The following GRIP1 variants were observed in gnomAD, a reference collection of about 807,000 sequenced individuals.
GRIP1 encodes the protein glutamate receptor-interacting protein 1.
A neutral mutation model predicts 129.9 loss-of-function variants in GRIP1; 45 were observed. That is an observed-to-expected ratio of 0.35 (90% CI 0.27 to 0.44). The LOEUF (loss-of-function observed/expected upper bound fraction) is 0.44. GRIP1 is among the 20% of genes least tolerant of loss of function. The probability of loss-of-function intolerance (pLI) is 1.00; values close to 1 mark genes in which losing one functional copy is unlikely to be tolerated. For missense variants in GRIP1, 1,196 were observed against 1,396.8 expected, an observed-to-expected ratio of 0.86 and a Z score of 2.29; for synonymous variants, 530 against 520.8, an observed-to-expected ratio of 1.02 and a Z score of -0.24.
At chr12:67,029,413 C>A (rs1267008389) in intron 1 of GRIP1, among the ~76,000 whole-genome samples, 3 of 151,746 alleles carry the variant, frequency 2.0e-5, no homozygotes, top group African/African-American at 7.3e-5. Flanking sequence ...TGTGCCTGGC[C>A]AAAAAATTTT....
chr12:66,581,570 GA>G (rs2063381585), intron 2 of GRIP1, among the ~76,000 whole-genome samples: 1 of 149,056 alleles, frequency 6.7e-6, no homozygotes, highest in Non-Finnish European at 1.5e-5. Flanking sequence ...TGATAAAGGG[GA>G]TATCACCACT....
intron 4 of GRIP1, among the ~76,000 whole-genome samples, chr12:66,531,235 CAAA>C (rs1168836647): frequency 3.1e-3 from 51 of 16,416 alleles, no homozygotes; most frequent in South Asian, 5.0e-3. Context: ...GACTCTGTCT[CAAA>C]AAAAAAAAAA....
chr12:66,466,040 T>C (rs562249158), intron 7 of GRIP1, among the ~76,000 whole-genome samples: 2 of 152,318 alleles, frequency 1.3e-5, no homozygotes, highest in South Asian at 2.1e-4. Flanking sequence ...GTAGGAATGT[T>C]ACACTAAGTT....
At chr12:66,356,742 A>G (rs1467147074) in intron 23 of GRIP1, among the ~76,000 whole-genome samples, 1 of 152,166 alleles carries the variant, frequency 6.6e-6, no homozygotes, top group Non-Finnish European at 1.5e-5. Flanking sequence ...CCTCCAAAAA[A>G]TATGATCACT....
intron 15 of GRIP1, among the ~76,000 whole-genome samples, chr12:66,411,646 G>A (rs1175336473): frequency 6.6e-6 from 1 of 152,200 alleles, no homozygotes; most frequent in Non-Finnish European, 1.5e-5. Flanking sequence ...TGAATTGGCA[G>A]AAGTAGGCTT....
chr12:66,903,285 C>T (rs114947558), intron 1 of GRIP1, among the ~76,000 whole-genome samples: 2,055 of 148,064 alleles, frequency 0.014, 53 homozygotes, highest in African/African-American at 0.048. Context: ...AGAGTGTAAA[C>T]GTGCTGCAGT....
At chr12:66,701,099 C>CT (rs2035335052) in intron 1 of GRIP1, among the ~76,000 whole-genome samples, 2 of 152,250 alleles carry the variant, frequency 1.3e-5, no homozygotes, top group Admixed American at 1.3e-4. Flanking sequence ...TCTAGGTAGT[C>CT]TGACTCCAAA....
At chr12:66,612,924 T>G (rs988096117) in intron 1 of GRIP1, among the ~76,000 whole-genome samples, 59 of 152,160 alleles carry the variant, frequency 3.9e-4, no homozygotes, top group African/African-American at 1.4e-3. Context: ...CTTCATATGT[T>G]TCTATTCAAT....
rs563126418 is a variant in GRIP1 at position 67,001,728 on chromosome 12, C to T, written c.58+67322G>A. Among the ~76,000 whole-genome samples the T allele has an allele frequency of 4.6e-5, 7 of 152,188 alleles. No individual in the cohort carries two copies. The East Asian group carries it at 1.4e-3, about 29-fold the overall frequency. ...ATTCTCTCAAGACCCCCAAAGACCC[C>T]ACCACTCACTCTTGTCTCACCTGCA... On this transcript the variant is annotated intron_variant, in intron 1 of 1. Coordinates refer to the GRIP1 transcript ENST00000643019.
chr12:66,581,910 C>G (rs2063400579), intron 2 of GRIP1, among the ~76,000 whole-genome samples: 1 of 152,112 alleles, frequency 6.6e-6, no homozygotes, highest in African/African-American at 2.4e-5. Context: ...TTTTATGAGG[C>G]CAGCATCATC....
chr12:66,880,816 C>G (rs1017847940), intron 1 of GRIP1, among the ~76,000 whole-genome samples: 1 of 152,028 alleles, frequency 6.6e-6, no homozygotes, highest in East Asian at 1.9e-4. Context: ...ATAGGCAGAC[C>G]CTTAAAAATC....
At chr12:66,536,912 A>G (rs79434377) in intron 4 of GRIP1, among the ~76,000 whole-genome samples, 1,834 of 152,252 alleles carry the variant, frequency 0.012, 41 homozygotes, top group East Asian at 0.1. Context: ...GCAAAAAGCT[A>G]TCTCAGGGTA....
rs965662412 is a variant in GRIP1, at chr12:66,859,261, A to G, written c.58+209789T>C. On this transcript the variant is annotated intron_variant, in intron 1 of 1. Transcript: ENST00000643019. ...CTAGCATATTCTCCACATTTTCTGA[A>G]AAAAAACAAAAAAACAAAAAAACAA... is the stretch of plus-strand genomic sequence containing the variant. 4.8e-4 allele frequency among the ~76,000 whole-genome samples: 14 copies of G among 29,268 alleles called. 2 individuals are homozygous for G. In the East Asian group the frequency reaches 0.036, roughly 75 times the overall value. The allele number at this position is 29,268 out of a possible 152,430, so 19.2% of individuals were successfully genotyped here. A position where few individuals can be genotyped will look rare whatever the true frequency, so the allele number is the denominator to read the frequency against.
Position 66,349,252 on chromosome 12 carries a change from A to G in GRIP1, c.3160-6T>C. ...CTGGTTCGGACATGATTCACCTGAA[A>G]GGTCAAGAACAGCCATTTTGAATTA... On this transcript the variant is annotated splice_polypyrimidine_tract_variant and splice_region_variant and intron_variant, in intron 24 of 24. Transcript: ENST00000359742. 1 of 1,605,274 alleles carries G rather than the reference A, an allele frequency of 6.2e-7. No individual in the cohort carries two copies. The highest frequency in any genetic ancestry group is 8.5e-7 in the Non-Finnish European group (1 of 1,171,876).
rs1036528911 is a variant in GRIP1 at position 66,533,095 on chromosome 12, T to A, written c.419-3181A>T. Among the ~76,000 whole-genome samples, 3 of 152,316 alleles carry A rather than the reference T, an allele frequency of 2.0e-5. No homozygotes were observed. The East Asian group carries it at 5.8e-4, about 29-fold the overall frequency. ...TATTCATGCTTATGATAATTTTAGG[T>A]GTTAACTAAAAATGGATGAGAATTA... On this transcript the variant is annotated intron_variant, in intron 4 of 24. Coordinates refer to ENST00000359742, the MANE Select transcript of GRIP1 (RefSeq NM_001366722.1).
intron 2 of GRIP1, among the ~76,000 whole-genome samples, chr12:66,595,668 A>C (rs1025144645): frequency 6.6e-6 from 1 of 152,252 alleles, no homozygotes; most frequent in African/African-American, 2.4e-5. Context: ...ATAGGATAAA[A>C]TAGAAGACAT....
intron 15 of GRIP1, among the ~76,000 whole-genome samples, chr12:66,408,108 C>A (rs1461069408): frequency 2.0e-5 from 3 of 152,212 alleles, no homozygotes. Context: ...TGCAAGGGAA[C>A]CTGCTGCCTT....
intron 24 of GRIP1, among the ~76,000 whole-genome samples, chr12:66,349,685 C>T (rs1437533016): frequency 6.6e-6 from 1 of 152,164 alleles, no homozygotes; most frequent in Non-Finnish European, 1.5e-5. Context: ...AACTACCTCT[C>T]CCACAAGCGA....
At chr12:66,757,725 G>C (rs1022397690) in intron 1 of GRIP1, among the ~76,000 whole-genome samples, 1 of 152,112 alleles carries the variant, frequency 6.6e-6, no homozygotes, top group Admixed American at 6.5e-5. Flanking sequence ...GTGTACGAAG[G>C]TTCCCTTTTC....
Sources: allele counts gnomAD v4.1 joint callset (sites outside exome capture counted in the v4.1 genomes callset), GRCh38; gene constraint gnomAD v4.1.1; transcripts MANE v1.5; gene names NCBI Gene and HGNC (gene_info 2026-07-23, HGNC 2026-07-21).